CSMD1: variants seen among roughly 807,000 people sequenced by gnomAD.
The protein encoded by CSMD1 is CUB and Sushi multiple domains 1, also known as CUB and sushi domain-containing protein 1.
In CSMD1, 213 loss-of-function variants were observed where a neutral mutation model predicts 417.5. The ratio of observed to expected loss-of-function variants is 0.51; its 90% CI spans 0.46 to 0.57. CSMD1 has a LOEUF of 0.57. Ranked by LOEUF, CSMD1 falls within the 20% of genes least tolerant of loss-of-function variation. The pLI, the probability that CSMD1 is intolerant of heterozygous loss-of-function variation, is 0.00. For synonymous variants in CSMD1, 2,862 were observed against 1,736.8 expected (o/e 1.65, Z -16.11); for missense variants, 6,923 against 4,529.7 (o/e 1.53, Z -15.17).
intron 7 of CSMD1, among the ~76,000 whole-genome samples, chr8:3,706,962 T>C (rs1480655197): frequency 1.3e-5 from 2 of 152,290 alleles, no homozygotes; most frequent in East Asian, 1.9e-4. Flanking sequence ...GATTATTCAA[T>C]AGAAAGTGCC....
At chr8:3,595,498 C>T (rs950001182) in intron 8 of CSMD1, among the ~76,000 whole-genome samples, 1 of 152,100 alleles carries the variant, frequency 6.6e-6, no homozygotes, top group Non-Finnish European at 1.5e-5. Context: ...ACTCTCTAGC[C>T]TGAGGAAAGA....
chr8:4,325,997 T>G (rs920787414), intron 3 of CSMD1, among the ~76,000 whole-genome samples: 2 of 152,142 alleles, frequency 1.3e-5, no homozygotes, highest in African/African-American at 2.4e-5. Context: ...GGGTACGAAC[T>G]CAGTAAAGAC....
At chr8:4,460,694 T>C (rs1799760432) in intron 2 of CSMD1, among the ~76,000 whole-genome samples, 2 of 152,084 alleles carry the variant, frequency 1.3e-5, no homozygotes, top group South Asian at 4.1e-4. Context: ...CATCTGGTAG[T>C]CAACAAACTG....
chr8:3,771,942 T>C (rs928400491), intron 5 of CSMD1, among the ~76,000 whole-genome samples: 1 of 152,042 alleles, frequency 6.6e-6, no homozygotes, highest in East Asian at 1.9e-4. Flanking sequence ...CAACAAGCCG[T>C]GTAATGTCTA....
intron 2 of CSMD1, among the ~76,000 whole-genome samples, chr8:4,471,669 G>T (rs1280555012): frequency 6.6e-6 from 1 of 152,154 alleles, no homozygotes; most frequent in South Asian, 2.1e-4. Context: ...CACCCTGGTT[G>T]AGGAAGGCCA....
At chr8:3,616,110 A>C (rs981652449) in intron 8 of CSMD1, among the ~76,000 whole-genome samples, 2 of 152,170 alleles carry the variant, frequency 1.3e-5, no homozygotes, top group South Asian at 4.1e-4. Flanking sequence ...TTTACCTTCT[A>C]TCTTTAAACA....
intron 7 of CSMD1, among the ~76,000 whole-genome samples, chr8:3,643,064 G>A (rs1050527420): frequency 1.3e-5 from 2 of 152,080 alleles, no homozygotes; most frequent in South Asian, 4.2e-4. Context: ...TGTGAGTGTC[G>A]ACGGCACGGG....
chr8:4,601,568 T>G (rs1201492391), intron 2 of CSMD1, among the ~76,000 whole-genome samples: 1 of 152,174 alleles, frequency 6.6e-6, no homozygotes, highest in African/African-American at 2.4e-5. Context: ...GTATTAAGAA[T>G]TGAATACTTT....
chr8:4,448,709 C>G (rs1336479742), intron 2 of CSMD1, among the ~76,000 whole-genome samples: 1 of 152,124 alleles, frequency 6.6e-6, no homozygotes, highest in Admixed American at 6.5e-5. Flanking sequence ...TTTGGCATTG[C>G]CCATTTCATC....
intron 49 of CSMD1, among the ~76,000 whole-genome samples, chr8:3,058,320 A>T (rs1175911600): frequency 6.6e-6 from 1 of 152,224 alleles, no homozygotes; most frequent in African/African-American, 2.4e-5. Flanking sequence ...TGCTGCTTCA[A>T]CAGATCTGTG....
chr8:2,997,704 C>T (rs1189526191), intron 54 of CSMD1, among the ~76,000 whole-genome samples: 3 of 151,934 alleles, frequency 2.0e-5, no homozygotes, highest in Non-Finnish European at 4.4e-5. Flanking sequence ...ATAATGGCCC[C>T]CAAATGCTAA....
chr8:4,989,902 G>C (rs939264852), intron 1 of CSMD1, among the ~76,000 whole-genome samples: 1 of 152,182 alleles, frequency 6.6e-6, no homozygotes, highest in African/African-American at 2.4e-5. Context: ...GTGTTTGCTT[G>C]ACACAATAAA....
At chr8:3,886,873 T>C (rs1248873138) in intron 5 of CSMD1, among the ~76,000 whole-genome samples, 1 of 152,226 alleles carries the variant, frequency 6.6e-6, no homozygotes, top group Admixed American at 6.5e-5. Context: ...TACACTATAC[T>C]GGCTCTCGCA....
intron 3 of CSMD1, among the ~76,000 whole-genome samples, chr8:4,041,249 C>T (rs1217094473): frequency 4.0e-5 from 6 of 151,884 alleles, no homozygotes; most frequent in South Asian, 2.1e-4. Flanking sequence ...GATCTCCTGA[C>T]CTCGTGATCC....
chr8:4,743,000 C>T (rs1810722770), intron 1 of CSMD1, among the ~76,000 whole-genome samples: 1 of 152,164 alleles, frequency 6.6e-6, no homozygotes, highest in African/African-American at 2.4e-5. Flanking sequence ...CAACCACATG[C>T]TTCACTGTGT....
chr8:3,907,310 T>C (rs1416401171), intron 5 of CSMD1, among the ~76,000 whole-genome samples: 7 of 152,216 alleles, frequency 4.6e-5, no homozygotes, highest in African/African-American at 7.2e-5. Context: ...TTAACGTGGA[T>C]GGTACATATT....
chr8:4,123,587 A>T (rs1647324), intron 3 of CSMD1, among the ~76,000 whole-genome samples: 1 of 152,206 alleles, frequency 6.6e-6, no homozygotes, highest in Non-Finnish European at 1.5e-5. Context: ...GTTAATTTCT[A>T]TGGTTTTTAT....
At chr8:4,764,892 A>AAAAACAAAACAAAACAAAAAAAAAC (rs1812351322) in intron 1 of CSMD1, among the ~76,000 whole-genome samples, 3 of 42,184 alleles carry the variant, frequency 7.1e-5, no homozygotes, top group Non-Finnish European at 1.3e-4. Flanking sequence ...AAAAAAAAAA[A>AAAAACAAAACAAAACAAAAAAAAAC]AACAACAACA....
At chr8:4,697,937 G>T (rs887122433) in intron 1 of CSMD1, among the ~76,000 whole-genome samples, 1 of 152,026 alleles carries the variant, frequency 6.6e-6, no homozygotes, top group Non-Finnish European at 1.5e-5. Context: ...TTAAAACATT[G>T]GTCCTGTCAA....
Sources: allele counts gnomAD v4.1 joint callset (sites outside exome capture counted in the v4.1 genomes callset), GRCh38; gene constraint gnomAD v4.1.1; transcripts MANE v1.5; gene names NCBI Gene and HGNC (gene_info 2026-07-23, HGNC 2026-07-21).